The following MFN2 variants were observed in gnomAD, a reference collection of about 807,000 sequenced individuals.
The protein encoded by MFN2 is mitofusin 2.
In MFN2, 43 loss-of-function variants were observed where a neutral mutation model predicts 87.5. The ratio of observed to expected loss-of-function variants is 0.49; its 90% CI spans 0.38 to 0.63. The LOEUF (loss-of-function observed/expected upper bound fraction) is 0.63. Ranked by LOEUF, MFN2 falls within the 30% of genes least tolerant of loss-of-function variation. The pLI is 0.00. For synonymous variants in MFN2, 337 were observed against 359.9 expected, an observed-to-expected ratio of 0.94 and a Z score of 0.72; for missense variants, 743 against 972.8, an observed-to-expected ratio of 0.76 and a Z score of 3.14.
intron 18 of MFN2, 91 bp downstream of exon 18, chr1:12,009,817 G>A: frequency 6.3e-7 from 1 of 1,586,882 alleles, no homozygotes. Flanking sequence ...TCTTGGGTGT[G>A]GACACAAATT....
chr1:11,985,173 G>A (rs1638337699), intron 2 of MFN2, among the ~76,000 whole-genome samples: 2 of 152,270 alleles, frequency 1.3e-5, no homozygotes, highest in African/African-American at 2.4e-5. Context: ...GCTGCTGTCC[G>A]CTGGTTGGTG....
chr1:12,004,044 G>A lies in MFN2; in HGVS notation c.1213G>A (p.Asp405Asn), dbSNP rs1333249068. The A allele has an allele frequency of 3.7e-6, 6 of 1,614,076 alleles. No homozygotes were observed. Among genetic ancestry groups the A allele is most frequent in the Non-Finnish European group, 5.1e-6 (6 of 1,180,044 alleles). Residue 405 changes from aspartate (D) to asparagine (N), a missense_variant, in exon 12 of 19, where the codon GAC becomes AAC. Asp to Asn is a conservative substitution (Grantham distance 23). This residue lies in a region of MFN2 where 571 missense variants were observed against 670.7 expected (regional missense o/e 0.85). Coordinates refer to ENST00000235329, the MANE Select transcript of MFN2 (RefSeq NM_014874.4). This position sits in a 1 kb window ranked among gnomAD's most constrained non-coding sequence, Gnocchi z 4.2. ...EERQDRLKFI[D>N]KQLELLAQDY... is the part of the protein sequence containing the mutation. Reference sequence around the variant, plus strand: ...GCGGCAAGACCGACTGAAATTTATTGACAAACAGCTGGAGCTCTTGGCTCA... The same window carrying A: ...GCGGCAAGACCGACTGAAATTTATTAACAAACAGCTGGAGCTCTTGGCTCA...
intron 17 of MFN2, 42 bp downstream of exon 17, chr1:12,007,291 G>A: frequency 1.3e-6 from 2 of 1,598,212 alleles, no homozygotes. Context: ...CTTCCTTTAG[G>A]CAGGGTCAGC....
rs35051330 is a variant in MFN2 at position 11,987,629 on chromosome 1, C to CAAAA, written c.-4-1535_-4-1534insAAAA. ...TGAGCGATAGAGCAAGACTCTGTCT[C>CAAAA]AGAAAAAAAAAAAAAAAATGTTGGC... On this transcript the variant is annotated intron_variant, in intron 2 of 18. Coordinates refer to ENST00000235329, the MANE Select transcript of MFN2 (RefSeq NM_014874.4). Among the ~76,000 whole-genome samples, 15 of 134,786 alleles carry CAAAA rather than the reference C, an allele frequency of 1.1e-4. 5 individuals are homozygous for CAAAA. The highest frequency in any genetic ancestry group is 1.6e-4 in the Non-Finnish European group (10 of 63,796). The allele number at this position is 134,786 out of a possible 152,430, so 88.4% of individuals were successfully genotyped here.
At chr1:11,989,579 A>G (rs1411935942) in intron 3 of MFN2, among the ~76,000 whole-genome samples, 3 of 152,212 alleles carry the variant, frequency 2.0e-5, no homozygotes, top group East Asian at 3.8e-4. Context: ...GTTTCATTTA[A>G]TCATGAAAGA....
chr1:11,992,496 C>T, intron 3 of MFN2, 59 bp from the exon 4 acceptor site: 1 of 1,611,188 alleles, frequency 6.2e-7, no homozygotes, highest in South Asian at 1.1e-5. Flanking sequence ...CCCTTCCAGA[C>T]TTGGGACTGT....
chr1:12,009,076 T>A lies in MFN2; in HGVS notation c.2070-516T>A, dbSNP rs1299582242. On this transcript the variant is annotated intron_variant, in intron 17 of 18. Transcript: ENST00000235329. ...CCAGTCAGGCGTGGCGGCGCGCGCC[T>A]GCAGTCGCAGGCACTGGGCAGGTTG... Among the ~76,000 whole-genome samples, 4 of 152,190 alleles carry A rather than the reference T, an allele frequency of 2.6e-5. No homozygotes were observed. The East Asian group carries it at 7.7e-4, about 29-fold the overall frequency.
chr1:11,981,690 C>G (rs1297995777), intron 1 of MFN2: 3 of 152,448 alleles, frequency 2.0e-5, no homozygotes, highest in African/African-American at 7.2e-5. Context: ...CTTCTCCCCT[C>G]TCTGGATGTA....
At chr1:11,998,028 T>A (rs572018851) in intron 6 of MFN2, among the ~76,000 whole-genome samples, 1 of 150,908 alleles carries the variant, frequency 6.6e-6, no homozygotes, top group African/African-American at 2.4e-5. Flanking sequence ...GGATTACAGG[T>A]GCCCGCCACC....
intron 11 of MFN2, 66 bp downstream of exon 11, chr1:12,002,169 T>C: frequency 6.2e-7 from 1 of 1,612,644 alleles, no homozygotes; most frequent in African/African-American, 1.3e-5. Flanking sequence ...ACCCCTGCCT[T>C]GGGCAGTTAG....
At chr1:12,000,619 C>T (rs1362756043) in intron 8 of MFN2, among the ~76,000 whole-genome samples, 3 of 152,276 alleles carry the variant, frequency 2.0e-5, no homozygotes, top group Non-Finnish European at 4.4e-5. Context: ...ACACCTGACA[C>T]GTGGTAGGTG....
chr1:12,013,234 C>T lies in MFN2; in HGVS notation c.*1669C>T. The T allele has an allele frequency of 8.9e-6, 3 of 336,342 alleles. No individual in the cohort carries two copies. The highest frequency in any genetic ancestry group is 1.1e-4 in the East Asian group (1 of 9,284). 20.8% of individuals were successfully genotyped at this position (336,342 alleles called of 1,614,324 possible). A position where few individuals can be genotyped will look rare whatever the true frequency, so the allele number is the denominator to read the frequency against. On this transcript the variant is annotated 3_prime_UTR_variant, in exon 19 of 19. Coordinates refer to ENST00000235329, the MANE Select transcript of MFN2 (RefSeq NM_014874.4). ...TTTAGCGTAAACATGAATTTTTTTT[C>T]AATGTAGCCCCTGGGGAATGAATGA... is the stretch of plus-strand genomic sequence containing the variant.
intron 15 of MFN2, 71 bp from the exon 16 acceptor site, chr1:12,006,467 C>A: frequency 6.3e-7 from 1 of 1,583,488 alleles, no homozygotes; most frequent in South Asian, 1.1e-5. Context: ...CAGACTAGGG[C>A]AACACTGAGG....
chr1:11,988,084 TTG>T lies in MFN2; in HGVS notation c.-4-1057_-4-1056del, dbSNP rs112373136. 8.3e-5 allele frequency among the ~76,000 whole-genome samples: 12 copies of T among 144,204 alleles called. 1 individual carries two copies. Among genetic ancestry groups the T allele is most frequent in the South Asian group, 6.9e-4 (3 of 4,334 alleles). The allele number at this position is 144,204 out of a possible 152,430, so 94.6% of individuals were successfully genotyped here. A position where few individuals can be genotyped will look rare whatever the true frequency, so the allele number is the denominator to read the frequency against. On this transcript the variant is annotated intron_variant, in intron 2 of 18. Transcript: ENST00000235329. ...CTATACTAAAATAGACCAATAGTTTTTGTGTGTGTGTGTGTGTGTGTGTGTTT... is the reference window on the plus strand; with the variant it reads ...CTATACTAAAATAGACCAATAGTTTTTGTGTGTGTGTGTGTGTGTGTGTTT...
chr1:11,997,466 C>A, intron 6 of MFN2, 45 bp downstream of exon 6: 1 of 1,612,272 alleles, frequency 6.2e-7, no homozygotes, highest in Non-Finnish European at 8.5e-7. Context: ...TGGAAGGCAC[C>A]AGGTTTCCAT....
In MFN2 at chr1:11,997,433, G is replaced by A; in HGVS notation, c.599+12G>A. 1 of 1,613,402 alleles carries A rather than the reference G, an allele frequency of 6.2e-7. No individual in the cohort carries two copies. Among genetic ancestry groups the A allele is most frequent in the Non-Finnish European group, 8.5e-7 (1 of 1,179,630 alleles). On this transcript the variant is annotated intron_variant, in intron 6 of 18. Coordinates refer to ENST00000235329, the MANE Select transcript of MFN2 (RefSeq NM_014874.4). Reference sequence around the variant, plus strand: ...GTTTTGATGGACAGGTAAGAGGGAGGTGCCCTCCTAGGAGGTCCAAACTGG... The same window carrying A: ...GTTTTGATGGACAGGTAAGAGGGAGATGCCCTCCTAGGAGGTCCAAACTGG...
rs745662852 is a variant in MFN2, at chr1:12,001,486, T to C, written c.902T>C (p.Ile301Thr). The stretch of plus-strand genomic sequence containing the variant: ...GATCGATCCCAGGCCGGGGACCGCA[T>C]CTTCTTTGTGTCTGCTAAGGAGGTG... Reference protein sequence around the residue: ...VVDRSQAGDRIFFVSAKEVLN... With the variant: ...VVDRSQAGDRTFFVSAKEVLN... The change falls in exon 9 of 19, where the codon ATC becomes ACC. Residue 301 changes from isoleucine to threonine, a missense_variant. Physicochemically the swap from Ile to Thr is moderately conservative, Grantham distance 89. Around this residue, in one of 3 missense-constraint regions of MFN2, gnomAD observed 571 missense variants for 670.7 expected, o/e 0.85. Transcript: ENST00000235329. The C allele has an allele frequency of 6.2e-7, 1 of 1,614,166 alleles. No individual in the cohort carries two copies. The highest frequency in any genetic ancestry group is 2.2e-5 in the East Asian group (1 of 44,880).
Position 12,011,866 on chromosome 1 carries a change from T to C in MFN2, c.*301T>C. 2 of 493,450 alleles carry C rather than the reference T, an allele frequency of 4.1e-6. No individual in the cohort carries two copies. Among genetic ancestry groups the C allele is most frequent in the South Asian group, 2.2e-5 (1 of 45,270 alleles). The allele number at this position is 493,450 out of a possible 1,614,324, so 30.6% of individuals were successfully genotyped here. The stretch of plus-strand genomic sequence containing the variant: ...AGCTTTCTCTGGTTCATTTGATTGC[T>C]TGATAAGGCCTCAGGATCTCAGCAT... On this transcript the variant is annotated 3_prime_UTR_variant, in exon 19 of 19. Coordinates refer to ENST00000235329, the MANE Select transcript of MFN2 (RefSeq NM_014874.4).
At chr1:12,006,017 G>T in intron 15 of MFN2, 86 bp downstream of exon 15, 3 of 1,310,334 alleles carry the variant, frequency 2.3e-6, no homozygotes, top group Non-Finnish European at 1.1e-6. Context: ...TAAAACGGGG[G>T]TTCCCTAAGG....
Sources: gnomAD v4.1 joint callset for allele counts (sites outside exome capture counted in the v4.1 genomes callset) on GRCh38, gnomAD v4.1.1 for gene constraint, gnomAD v4.1.1 regional missense constraint, Gnocchi (gnomAD v3.1) non-coding constraint, MANE v1.5 for transcripts, NCBI Gene and HGNC (gene_info 2026-07-23, HGNC 2026-07-21) for gene names.